Variants in ARFIP1 observed in about 807,000 individuals in gnomAD.
The protein encoded by ARFIP1 is arfaptin-1.
ARFIP1 carries 24 observed loss-of-function variants against 42.5 expected under a neutral mutation model. The ratio of observed to expected loss-of-function variants is 0.57; its 90% CI spans 0.41 to 0.80. ARFIP1 has a LOEUF of 0.80. ARFIP1 is among the 30% of genes least tolerant of loss of function. The probability of loss-of-function intolerance (pLI) is 0.00; values close to 1 mark genes in which losing one functional copy is unlikely to be tolerated. For missense variants in ARFIP1, 354 were observed against 434.0 expected (o/e 0.82, Z 1.64); for synonymous variants, 141 against 153.7 (o/e 0.92, Z 0.61).
intron 8 of ARFIP1, among the ~76,000 whole-genome samples, chr4:152,897,545 T>A (rs1335447805): frequency 6.6e-6 from 1 of 152,210 alleles, no homozygotes; most frequent in Admixed American, 6.5e-5. Context: ...TTAGAGTTTC[T>A]TATTCTGCTG....
chr4:152,898,469 AT>A (rs1220701699), intron 8 of ARFIP1, among the ~76,000 whole-genome samples: 18 of 152,048 alleles, frequency 1.2e-4, no homozygotes, highest in African/African-American at 3.9e-4. Flanking sequence ...CTTCCCTTAA[AT>A]TTTCAAAGAT....
At chr4:152,849,837 A>G (rs1732842111) in intron 2 of ARFIP1, among the ~76,000 whole-genome samples, 1 of 152,222 alleles carries the variant, frequency 6.6e-6, no homozygotes, top group South Asian at 2.1e-4. Context: ...AAGTGATGAC[A>G]AGGTCTAAGA....
At chr4:152,803,583 C>T (rs2149824773) in intron 1 of ARFIP1, among the ~76,000 whole-genome samples, 1 of 152,178 alleles carries the variant, frequency 6.6e-6, no homozygotes, top group South Asian at 2.1e-4. Context: ...GTTTGAAAAC[C>T]ACTGAGCTGT....
chr4:152,832,019 C>A (rs1423982927), intron 2 of ARFIP1, among the ~76,000 whole-genome samples: 7 of 151,156 alleles, frequency 4.6e-5, no homozygotes, highest in Non-Finnish European at 1.0e-4. Flanking sequence ...ATCCATTCTT[C>A]AGCTGATTGT....
chr4:152,881,786 A>C (rs1000339607), intron 6 of ARFIP1, among the ~76,000 whole-genome samples: 6 of 152,168 alleles, frequency 3.9e-5, no homozygotes, highest in African/African-American at 1.4e-4. Context: ...TAATAAGGAT[A>C]ATTTTACTTT....
intron 1 of ARFIP1, among the ~76,000 whole-genome samples, chr4:152,797,075 CA>C (rs1474217616): frequency 1.3e-5 from 2 of 152,124 alleles, no homozygotes; most frequent in African/African-American, 4.8e-5. Flanking sequence ...AGAATTCATC[CA>C]TTTTTTTCTA....
At chr4:152,805,425 C>T (rs1044235964) in intron 1 of ARFIP1, among the ~76,000 whole-genome samples, 2 of 152,218 alleles carry the variant, frequency 1.3e-5, no homozygotes, top group South Asian at 2.1e-4. Flanking sequence ...GGTCCAATGA[C>T]GGCATCATTG....
chr4:152,800,201 T>TA (rs531583416), intron 1 of ARFIP1, among the ~76,000 whole-genome samples: 129 of 152,346 alleles, frequency 8.5e-4, no homozygotes, highest in East Asian at 5.2e-3. Flanking sequence ...TCCCTACTCA[T>TA]TAGTATTCTA....
At chr4:152,904,973 C>T (rs923968014) in intron 8 of ARFIP1, among the ~76,000 whole-genome samples, 2 of 152,204 alleles carry the variant, frequency 1.3e-5, no homozygotes, top group African/African-American at 4.8e-5. Flanking sequence ...AATCACCACA[C>T]TGTCTTCCAC....
intron 2 of ARFIP1, among the ~76,000 whole-genome samples, chr4:152,834,318 T>A (rs1430113805): frequency 2.6e-5 from 4 of 152,202 alleles, no homozygotes; most frequent in African/African-American, 9.6e-5. Context: ...TTTCAAAATG[T>A]AGTCATGCCT....
intron 3 of ARFIP1, among the ~76,000 whole-genome samples, chr4:152,870,171 G>C (rs1296127736): frequency 6.6e-6 from 1 of 152,168 alleles, no homozygotes; most frequent in Non-Finnish European, 1.5e-5. Context: ...AAGCGTCCAG[G>C]TGAATTGAAG....
intron 1 of ARFIP1, among the ~76,000 whole-genome samples, chr4:152,829,194 AT>A (rs375145829): frequency 9.3e-4 from 142 of 152,308 alleles, no homozygotes; most frequent in African/African-American, 3.4e-3. Context: ...AAGTTTGTGG[AT>A]TTTTAAGCTA....
intron 2 of ARFIP1, among the ~76,000 whole-genome samples, chr4:152,847,201 C>T (rs1042407042): frequency 7.7e-6 from 1 of 129,226 alleles, no homozygotes; most frequent in Non-Finnish European, 1.6e-5. Context: ...GGTGTGATCT[C>T]GGCTCACTGC....
At chr4:152,831,983 G>T (rs1001303965) in intron 2 of ARFIP1, among the ~76,000 whole-genome samples, 2 of 151,100 alleles carry the variant, frequency 1.3e-5, no homozygotes, top group African/African-American at 2.4e-5. Context: ...TAGTTTTCCA[G>T]TGTGTTAATA....
intron 1 of ARFIP1, among the ~76,000 whole-genome samples, chr4:152,794,170 A>T (rs556329359): frequency 6.6e-6 from 1 of 152,244 alleles, no homozygotes; most frequent in Admixed American, 6.5e-5. Flanking sequence ...AATATTATTG[A>T]TTAAACTATA....
chr4:152,816,821 C>T (rs922633261), intron 1 of ARFIP1, among the ~76,000 whole-genome samples: 2 of 152,226 alleles, frequency 1.3e-5, no homozygotes, highest in African/African-American at 4.8e-5. Flanking sequence ...CTTGCAGTTT[C>T]TAGAATATAT....
intron 1 of ARFIP1, among the ~76,000 whole-genome samples, chr4:152,818,701 GTC>G (rs764646449): frequency 2.0e-5 from 3 of 152,302 alleles, no homozygotes; most frequent in South Asian, 4.1e-4. Context: ...TGATTTCTGT[GTC>G]TCTGAATAGG....
intron 3 of ARFIP1, among the ~76,000 whole-genome samples, chr4:152,870,198 A>G (rs1002158791): frequency 6.6e-6 from 1 of 152,242 alleles, no homozygotes; most frequent in African/African-American, 2.4e-5. Flanking sequence ...CTCTATGTCC[A>G]CATTATGAAT....
chr4:152,842,189 A>G (rs1732146191), intron 2 of ARFIP1, among the ~76,000 whole-genome samples: 1 of 152,136 alleles, frequency 6.6e-6, no homozygotes, highest in African/African-American at 2.4e-5. Context: ...GAAATAGCCA[A>G]TCATCTATCG....
Sources: allele counts gnomAD v4.1 joint callset (sites outside exome capture counted in the v4.1 genomes callset), GRCh38; gene constraint gnomAD v4.1.1; transcripts MANE v1.5; gene names NCBI Gene and HGNC (gene_info 2026-07-23, HGNC 2026-07-21).